The following HPRT1 variants were observed in gnomAD, a reference collection of about 807,000 sequenced individuals.
The protein encoded by HPRT1 is hypoxanthine phosphoribosyltransferase 1.
In HPRT1, 4 loss-of-function variants were observed where a neutral mutation model predicts 19.0. That is an observed-to-expected ratio of 0.21 (90% confidence interval 0.10 to 0.48). The LOEUF is 0.48. Among genes scored for constraint, HPRT1 ranks in the 20% least tolerant of loss-of-function variants. The pLI, the probability that HPRT1 is intolerant of heterozygous loss-of-function variation, is 0.98. For missense variants in HPRT1, 65 were observed against 164.0 expected, an observed-to-expected ratio of 0.40 and a Z score of 3.30; for synonymous variants, 53 against 54.9, an observed-to-expected ratio of 0.97 and a Z score of 0.15.
intron 1 of HPRT1, among the ~76,000 whole-genome samples, chrX:134,472,669 C>CAATTCTCCT (rs2077613263): frequency 9.0e-6 from 1 of 110,715 alleles, no homozygotes; most frequent in South Asian, 3.8e-4. Context: ...TGGGTACAAG[C>CAATTCTCCT]GATTCTCCTG....
At chrX:134,481,968 C>A (rs980095758) in intron 3 of HPRT1, among the ~76,000 whole-genome samples, 2 of 112,206 alleles carry the variant, frequency 1.8e-5, no homozygotes, top group African/African-American at 6.5e-5. Flanking sequence ...AAAATGGAAA[C>A]CATGAAGATA....
Position 134,475,639 on chromosome X carries a change from A to G in HPRT1, c.318+275A>G, listed in dbSNP as rs971116703. On this transcript the variant is annotated intron_variant, in intron 3 of 8. Coordinates refer to ENST00000298556, the MANE Select transcript of HPRT1 (RefSeq NM_000194.3). ...ACTTGGGATACTTTTTTCACTATAC[A>G]TACTGGTGACAGATACCCTCTCTTG... Among the ~76,000 whole-genome samples, 8 of 111,839 alleles carry G rather than the reference A, an allele frequency of 7.2e-5. No individual in the cohort carries two copies. In the East Asian group the frequency reaches 2.0e-3, roughly 27 times the overall value.
intron 3 of HPRT1, among the ~76,000 whole-genome samples, chrX:134,485,121 C>T (rs2077649598): frequency 8.9e-6 from 1 of 112,516 alleles, no homozygotes; most frequent in African/African-American, 3.2e-5. Context: ...CCAATTAATA[C>T]TCTCACCAAC....
chrX:134,478,241 A>T (rs889191334), intron 3 of HPRT1, among the ~76,000 whole-genome samples: 1 of 112,207 alleles, frequency 8.9e-6, no homozygotes, highest in African/African-American at 3.2e-5. Flanking sequence ...GAATATATAA[A>T]GAAACATTAT....
chrX:134,484,905 G>T (rs986162863), intron 3 of HPRT1, among the ~76,000 whole-genome samples: 1 of 111,465 alleles, frequency 9.0e-6, no homozygotes, highest in South Asian at 3.8e-4. Flanking sequence ...AACTCCTGGG[G>T]TCAAGCGATC....
At chrX:134,481,900 G>C (rs1290947405) in intron 3 of HPRT1, among the ~76,000 whole-genome samples, 4 of 111,813 alleles carry the variant, frequency 3.6e-5, no homozygotes, top group Admixed American at 1.9e-4. Context: ...ATACAGCCAT[G>C]AGAAGTGGTT....
chrX:134,486,444 GTTTT>G lies in HPRT1; in HGVS notation c.319-10_319-7del. 2 of 719,987 alleles carry G rather than the reference GTTTT, an allele frequency of 2.8e-6. No individual in the cohort carries two copies. The highest frequency in any genetic ancestry group is 3.9e-6 in the Non-Finnish European group (2 of 508,904). 59.3% of individuals were successfully genotyped at this position (719,987 alleles called of 1,213,427 possible). A position where few individuals can be genotyped will look rare whatever the true frequency, so the allele number is the denominator to read the frequency against. ...GTGTGTGTAGATATATATATATATA[GTTTT>G]TTTTTTTTTTAACTAGAATGACCAG... On this transcript the variant is annotated splice_polypyrimidine_tract_variant and intron_variant, in intron 3 of 8. Coordinates refer to ENST00000298556, the MANE Select transcript of HPRT1 (RefSeq NM_000194.3).
intron 3 of HPRT1, among the ~76,000 whole-genome samples, chrX:134,486,222 C>T (rs1252287897): frequency 3.6e-5 from 4 of 110,760 alleles, no homozygotes; most frequent in Admixed American, 1.9e-4. Context: ...CAGTAATGGC[C>T]GATTAGGACT....
intron 3 of HPRT1, among the ~76,000 whole-genome samples, chrX:134,481,753 G>A (rs1420251940): frequency 9.0e-6 from 1 of 111,526 alleles, no homozygotes; most frequent in Non-Finnish European, 1.9e-5. Context: ...AGGTAACTGA[G>A]GTTTTATATA....
chrX:134,483,805 TATACCATTA>T (rs2077645759), intron 3 of HPRT1, among the ~76,000 whole-genome samples: 1 of 111,908 alleles, frequency 8.9e-6, no homozygotes. Flanking sequence ...TGTAGTGAAC[TATACCATTA>T]CTCTTAAATT....
In HPRT1 at chrX:134,497,804, G is replaced by A. The variant is rs191898301; in HGVS notation, c.486-586G>A. Among the ~76,000 whole-genome samples, 282 of 110,302 alleles carry A rather than the reference G, an allele frequency of 2.6e-3. 1 individual carries two copies. The highest frequency in any genetic ancestry group is 8.3e-3 in the African/African-American group (253 of 30,320). ...TACTAAATACAAAAAAAAATTAGCC[G>A]GGAGTGCTGGCGGGTGCCTGTAGTC... On this transcript the variant is annotated intron_variant, in intron 6 of 8. Transcript: ENST00000298556.
intron 5 of HPRT1, 118 bp from the exon 6 acceptor site, chrX:134,493,390 T>C (rs1459960932): frequency 1.8e-6 from 1 of 550,427 alleles, no homozygotes; most frequent in Non-Finnish European, 3.3e-6. Context: ...TCCATGTAGA[T>C]TTTGGTGAGA....
chrX:134,473,812 C>G (rs1270025424), intron 2 of HPRT1, among the ~76,000 whole-genome samples: 1 of 112,166 alleles, frequency 8.9e-6, no homozygotes, highest in Admixed American at 9.5e-5. Flanking sequence ...TTATGCACAT[C>G]TAGCTTGAAA....
intron 3 of HPRT1, among the ~76,000 whole-genome samples, chrX:134,483,371 T>C (rs116161422): frequency 0.011 from 1,218 of 112,137 alleles, 14 homozygotes; most frequent in African/African-American, 0.037. Flanking sequence ...AACAAAGTTC[T>C]TCCCTATTAT....
At chrX:134,467,488 A>G (rs2077600019) in intron 1 of HPRT1, among the ~76,000 whole-genome samples, 1 of 112,160 alleles carries the variant, frequency 8.9e-6, no homozygotes, top group Non-Finnish European at 1.9e-5. Flanking sequence ...AACTCTCTCC[A>G]ACTGTTCCTG....
chrX:134,480,613 TA>T (rs749028644), intron 3 of HPRT1, among the ~76,000 whole-genome samples: 278 of 95,718 alleles, frequency 2.9e-3, no homozygotes, highest in Middle Eastern at 5.0e-3. Flanking sequence ...ATGGCTATTT[TA>T]AAAAAAAAAA....
chrX:134,496,925 G>A (rs1054369486), intron 6 of HPRT1, among the ~76,000 whole-genome samples: 15 of 111,612 alleles, frequency 1.3e-4, no homozygotes, highest in African/African-American at 4.6e-4. Flanking sequence ...ATTTATCTAG[G>A]AAGGTATGAA....
chrX:134,490,290 A>G, intron 5 of HPRT1, 85 bp downstream of exon 5: 1 of 504,576 alleles, frequency 2.0e-6, no homozygotes, highest in Admixed American at 3.3e-5. Context: ...AGGGAGAGAA[A>G]TTCCTCTGCA....
chrX:134,463,319 A>C (rs771713861), intron 1 of HPRT1, among the ~76,000 whole-genome samples: 1 of 111,978 alleles, frequency 8.9e-6, no homozygotes, highest in South Asian at 3.7e-4. Flanking sequence ...CTTTATGTGG[A>C]TATAATATCT....
Sources: gnomAD v4.1 joint callset for allele counts (sites outside exome capture counted in the v4.1 genomes callset) on GRCh38, gnomAD v4.1.1 for gene constraint, MANE v1.5 for transcripts, NCBI Gene and HGNC (gene_info 2026-07-23, HGNC 2026-07-21) for gene names.